The following GLCCI1 variants were observed in gnomAD, a reference collection of about 807,000 sequenced individuals.
The protein encoded by GLCCI1 is glucocorticoid induced 1, also known as glucocorticoid-induced transcript 1 protein.
Under a neutral mutation model 52.2 loss-of-function variants are expected in GLCCI1, and 24 were observed. That is an observed-to-expected ratio of 0.46 (90% CI 0.33 to 0.65). The LOEUF (loss-of-function observed/expected upper bound fraction) is 0.65. Among genes scored for constraint, GLCCI1 ranks in the 30% least tolerant of loss-of-function variants. GLCCI1 has a pLI of 0.02. For synonymous variants in GLCCI1, 310 were observed against 276.5 expected, an observed-to-expected ratio of 1.12 and a Z score of -1.20; for missense variants, 704 against 701.5, an observed-to-expected ratio of 1.00 and a Z score of -0.04.
At chr7:8,019,138 T>G (rs1159680846) in intron 2 of GLCCI1, among the ~76,000 whole-genome samples, 9 of 152,212 alleles carry the variant, frequency 5.9e-5, no homozygotes, top group African/African-American at 2.2e-4. Flanking sequence ...AAATAACTCA[T>G]TAAAAATCAG....
chr7:8,004,263 C>G, intron 2 of GLCCI1: 2 of 499,708 alleles, frequency 4.0e-6, no homozygotes, highest in Non-Finnish European at 7.1e-6. Context: ...TTCTTTAATA[C>G]TTAAATAGCA....
Position 8,087,525 on chromosome 7 carries a change from A to G in GLCCI1, c.*987A>G, listed in dbSNP as rs976722726. ...AGTGAAGTGTTTGACGGAATGGTTG[A>G]GATTTTTTTGTTTATGTTAGCCATC... On this transcript the variant is annotated 3_prime_UTR_variant, in exon 8 of 8. Coordinates refer to ENST00000223145, the MANE Select transcript of GLCCI1 (RefSeq NM_138426.4). 1.3e-5 allele frequency: 2 copies of G among 152,620 alleles called. No individual in the cohort carries two copies. The highest frequency in any genetic ancestry group is 4.8e-5 in the African/African-American group (2 of 41,462). 9.5% of individuals were successfully genotyped at this position (152,620 alleles called of 1,614,324 possible).
intron 3 of GLCCI1, among the ~76,000 whole-genome samples, chr7:8,042,471 AG>A (rs1782022345): frequency 6.6e-6 from 1 of 152,192 alleles, no homozygotes; most frequent in Non-Finnish European, 1.5e-5. Flanking sequence ...ACTAGAGTGG[AG>A]GAAGTCACTG....
intron 1 of GLCCI1, among the ~76,000 whole-genome samples, chr7:7,996,645 C>G (rs538470645): frequency 6.6e-6 from 1 of 152,182 alleles, no homozygotes; most frequent in Non-Finnish European, 1.5e-5. Context: ...GAGAATCATG[C>G]CCAAATAGCT....
At chr7:8,084,668 G>A (rs1783065858) in intron 6 of GLCCI1, 4 of 415,654 alleles carry the variant, frequency 9.6e-6, no homozygotes, top group Non-Finnish European at 1.7e-5. Flanking sequence ...CAGTTTTCTG[G>A]ACCAAAATGT....
In GLCCI1 at chr7:8,084,934, A is replaced by G; in HGVS notation, c.1215A>G (p.Ser405=). ...GCTCACCGTTACCCAAGTATGCTTCATCTCCCAAACCAAACAACAGCTACA... is the reference window on the plus strand; with the variant it reads ...GCTCACCGTTACCCAAGTATGCTTCGTCTCCCAAACCAAACAACAGCTACA... The part of the protein sequence containing the change: ...GSSSPLPKYA[S]SPKPNNSYMF... Residue 405 remains serine, a synonymous_variant, in exon 7 of 8, where the codon TCA becomes TCG. Coordinates refer to ENST00000223145, the MANE Select transcript of GLCCI1 (RefSeq NM_138426.4). The G allele has an allele frequency of 6.2e-7, 1 of 1,614,152 alleles. No homozygotes were observed.
chr7:8,002,181 GAGAATTTTT>G (rs1307694363), intron 1 of GLCCI1, among the ~76,000 whole-genome samples: 2 of 151,930 alleles, frequency 1.3e-5, no homozygotes. Context: ...AAAAAATAAA[GAGAATTTTT>G]AGAACTCAAT....
chr7:8,086,447 C>T lies in GLCCI1; in HGVS notation c.1553C>T (p.Ala518Val). 6.2e-7 allele frequency: 1 copy of T among 1,614,142 alleles called. No individual in the cohort carries two copies. The change falls in exon 8 of 8, where the codon GCC (alanine) becomes GTC (valine). Residue 518 changes from alanine (A) to valine (V), a missense_variant. Physicochemically the swap from Ala to Val is moderately conservative, Grantham distance 64. Around this residue, in one of 3 missense-constraint regions of GLCCI1, gnomAD observed 149 missense variants for 152.9 expected, o/e 0.97. Coordinates refer to ENST00000223145, the MANE Select transcript of GLCCI1 (RefSeq NM_138426.4). The surrounding 1 kb of genome is among the most constrained non-coding windows in gnomAD (Gnocchi z 4.4). ...DDTSTAGSME[A>V]SVQQPSQQQQ... Reference sequence around the variant, plus strand: ...ACCAGCACAGCGGGCTCCATGGAGGCCTCTGTCCAGCAGCCATCCCAGCAG... The same window carrying T: ...ACCAGCACAGCGGGCTCCATGGAGGTCTCTGTCCAGCAGCCATCCCAGCAG...
At chr7:8,043,730 T>C (rs1782054508) in intron 3 of GLCCI1, among the ~76,000 whole-genome samples, 1 of 152,170 alleles carries the variant, frequency 6.6e-6, no homozygotes. Context: ...ATGTAAATTA[T>C]ACTTCAATAA....
intron 6 of GLCCI1, among the ~76,000 whole-genome samples, chr7:8,076,991 A>T (rs1280951207): frequency 2.6e-5 from 4 of 152,216 alleles, no homozygotes; most frequent in Non-Finnish European, 5.9e-5. Context: ...ATAAAAATAA[A>T]AACCAAGAAT....
chr7:7,992,040 ATTTT>A (rs1216891912), intron 1 of GLCCI1, among the ~76,000 whole-genome samples: 2 of 135,568 alleles, frequency 1.5e-5, no homozygotes, highest in African/African-American at 2.7e-5. Context: ...ATTAGAATTT[ATTTT>A]TTCTTTCTTT....
At chr7:8,021,683 G>A (rs986781685) in intron 2 of GLCCI1, among the ~76,000 whole-genome samples, 1 of 152,206 alleles carries the variant, frequency 6.6e-6, no homozygotes, top group Non-Finnish European at 1.5e-5. Context: ...GATTACAGGT[G>A]TGAGCCACCA....
In GLCCI1 at chr7:8,086,661, T is replaced by G; in HGVS notation, c.*123T>G. On this transcript the variant is annotated 3_prime_UTR_variant, in exon 8 of 8. Coordinates refer to ENST00000223145, the MANE Select transcript of GLCCI1 (RefSeq NM_138426.4). The surrounding 1 kb of genome is among the most constrained non-coding windows in gnomAD (Gnocchi z 4.4). ...AATAATACTTATCAGCATCATAAAG[T>G]ATCTCTTAAACACTGATCTTGGCAG... is the stretch of plus-strand genomic sequence containing the variant. 1.2e-6 allele frequency: 1 copy of G among 801,388 alleles called. No homozygotes were observed. The allele number at this position is 801,388 out of a possible 1,614,324, so 49.6% of individuals were successfully genotyped here.
At chr7:8,053,248 T>C (rs1782300980) in intron 3 of GLCCI1, among the ~76,000 whole-genome samples, 1 of 151,866 alleles carries the variant, frequency 6.6e-6, no homozygotes, top group Non-Finnish European at 1.5e-5. Flanking sequence ...TATTTATTCC[T>C]TGTGACCCAG....
intron 5 of GLCCI1, among the ~76,000 whole-genome samples, chr7:8,061,627 C>T (rs1470269994): frequency 6.9e-6 from 1 of 145,576 alleles, no homozygotes; most frequent in African/African-American, 2.5e-5. Flanking sequence ...ACTCTTTGGA[C>T]ATCATGGCAT....
intron 5 of GLCCI1, among the ~76,000 whole-genome samples, chr7:8,061,596 T>C (rs1288231852): frequency 2.0e-5 from 3 of 151,712 alleles, no homozygotes; most frequent in Admixed American, 6.6e-5. Flanking sequence ...TATAATTTTA[T>C]ATATATTACA....
At chr7:8,042,797 A>G (rs569150043) in intron 3 of GLCCI1, among the ~76,000 whole-genome samples, 1 of 152,348 alleles carries the variant, frequency 6.6e-6, no homozygotes, top group African/African-American at 2.4e-5. Context: ...TGAAATGATA[A>G]CAAAAGATTT....
chr7:7,999,633 G>A (rs1055775350), intron 1 of GLCCI1, among the ~76,000 whole-genome samples: 1 of 150,978 alleles, frequency 6.6e-6, no homozygotes, highest in African/African-American at 2.4e-5. Flanking sequence ...GGCTGGGAGT[G>A]GTGGCTTATA....
At chr7:8,084,203 G>A (rs1003620285) in intron 6 of GLCCI1, among the ~76,000 whole-genome samples, 2 of 152,126 alleles carry the variant, frequency 1.3e-5, no homozygotes, top group African/African-American at 4.8e-5. Context: ...GGCTTTTCAT[G>A]AATAGACCAT....
Sources: gnomAD v4.1 joint callset for allele counts (sites outside exome capture counted in the v4.1 genomes callset) on GRCh38, gnomAD v4.1.1 for gene constraint, gnomAD v4.1.1 regional missense constraint, Gnocchi (gnomAD v3.1) non-coding constraint, MANE v1.5 for transcripts, NCBI Gene and HGNC (gene_info 2026-07-23, HGNC 2026-07-21) for gene names.